Variants in MIB1 observed in about 807,000 individuals in gnomAD.
The protein encoded by MIB1 is E3 ubiquitin-protein ligase MIB1.
A neutral mutation model predicts 124.5 loss-of-function variants in MIB1; 278 were observed. That is an observed-to-expected ratio of 2.23 (90% confidence interval 2.02 to 2.47). MIB1 has a LOEUF of 2.47. MIB1 is among the 30% of genes most tolerant of loss of function. MIB1 has a pLI of 0.00. For synonymous variants in MIB1, 446 were observed against 429.4 expected, an observed-to-expected ratio of 1.04 and a Z score of -0.48; for missense variants, 957 against 1,254.4, an observed-to-expected ratio of 0.76 and a Z score of 3.58.
At chr18:21,791,077 G>A (rs560094854) in intron 6 of MIB1, among the ~76,000 whole-genome samples, 40 of 151,474 alleles carry the variant, frequency 2.6e-4, no homozygotes, top group African/African-American at 6.5e-4. Context: ...AGTGGCATGC[G>A]CCTGTAATCC....
chr18:21,800,713 G>A (rs184020807), intron 9 of MIB1, among the ~76,000 whole-genome samples: 1 of 152,168 alleles, frequency 6.6e-6, no homozygotes, highest in African/African-American at 2.4e-5. Flanking sequence ...TTGTTTTTAA[G>A]TATGCTAGAC....
intron 4 of MIB1, 64 bp from the exon 5 acceptor site, chr18:21,778,039 G>A: frequency 9.0e-7 from 1 of 1,110,628 alleles, no homozygotes; most frequent in Non-Finnish European, 1.4e-6. Flanking sequence ...ATTCTTGCCT[G>A]TTTCAGATAC....
intron 12 of MIB1, among the ~76,000 whole-genome samples, chr18:21,820,978 A>G (rs1347133390): frequency 6.6e-6 from 1 of 152,144 alleles, no homozygotes; most frequent in Non-Finnish European, 1.5e-5. Context: ...GAATGTGTCA[A>G]TACCTCATTC....
In MIB1 at chr18:21,856,784, T is replaced by C. The variant is rs536192493; in HGVS notation, c.2666-346T>C. Among the ~76,000 whole-genome samples, 11 of 152,370 alleles carry C rather than the reference T, an allele frequency of 7.2e-5. No homozygotes were observed. The South Asian group carries it at 2.1e-3, about 29-fold the overall frequency. ...GTAAGCAAGCTTATAATTCTAGTATTAGTTGACATTTGTCAATAGTATCTC... is the reference window on the plus strand; with the variant it reads ...GTAAGCAAGCTTATAATTCTAGTATCAGTTGACATTTGTCAATAGTATCTC... On this transcript the variant is annotated intron_variant, in intron 18 of 20. Transcript: ENST00000261537.
At position 21,847,064 on chromosome 18, in the gene MIB1, G is replaced by A. The variant is rs2042141392; in HGVS notation, c.2332G>A (p.Asp778Asn). 1 of 1,614,152 alleles carries A rather than the reference G, an allele frequency of 6.2e-7. No homozygotes were observed. The highest frequency in any genetic ancestry group is 8.5e-7 in the Non-Finnish European group (1 of 1,180,028). Residue 778 changes from aspartate (D) to asparagine (N), a missense_variant, in exon 16 of 21, where the codon GAT becomes AAT. Coordinates refer to ENST00000261537, the MANE Select transcript of MIB1 (RefSeq NM_020774.4). ...AAATAAGAAGGGTCAATCGCCACTTGATCTCTGTCCTGATCCGAATCTCTG... is the reference window on the plus strand; with the variant it reads ...AAATAAGAAGGGTCAATCGCCACTTAATCTCTGTCCTGATCCGAATCTCTG... ...IRNKKGQSPL[D>N]LCPDPNLCKA... is the part of the protein sequence containing the mutation.
intron 1 of MIB1, among the ~76,000 whole-genome samples, chr18:21,730,062 C>T (rs948708515): frequency 2.6e-5 from 4 of 152,198 alleles, no homozygotes; most frequent in Admixed American, 2.0e-4. Context: ...TCTATGCCAG[C>T]GTGGTTGCAC....
intron 20 of MIB1, among the ~76,000 whole-genome samples, chr18:21,859,584 C>A (rs1047694233): frequency 4.6e-5 from 7 of 151,704 alleles, no homozygotes; most frequent in African/African-American, 1.7e-4. Context: ...TTTCTATATA[C>A]ATGTGATACT....
At position 21,865,306 on chromosome 18, in the gene MIB1, A is replaced by T. The variant is rs2042312121; in HGVS notation, c.*640A>T. 6.6e-6 allele frequency: 1 copy of T among 152,198 alleles called. No homozygotes were observed. Among genetic ancestry groups the T allele is most frequent in the Admixed American group, 6.5e-5 (1 of 15,274 alleles). The allele number at this position is 152,198 out of a possible 1,614,324, so 9.4% of individuals were successfully genotyped here. On this transcript the variant is annotated 3_prime_UTR_variant, in exon 21 of 21. Transcript: ENST00000261537. Reference sequence around the variant, plus strand: ...CTTGTTTTCTAGATTCAAAAGGAACATTGTTTAACTTGAATCAGATTACCA... The same window carrying T: ...CTTGTTTTCTAGATTCAAAAGGAACTTTGTTTAACTTGAATCAGATTACCA...
At chr18:21,806,205 ATT>A (rs1228812095) in intron 10 of MIB1, among the ~76,000 whole-genome samples, 48 of 138,028 alleles carry the variant, frequency 3.5e-4, no homozygotes, top group Admixed American at 6.5e-4. Context: ...GCCTGGCCAG[ATT>A]TTTTTTTTTT....
intron 10 of MIB1, chr18:21,812,419 T>G (rs996220730): frequency 1.3e-5 from 2 of 152,216 alleles, no homozygotes; most frequent in Non-Finnish European, 2.9e-5. Context: ...GTGTGAAGAA[T>G]AGATTGGGAT....
chr18:21,808,294 C>T (rs944117449), intron 10 of MIB1, among the ~76,000 whole-genome samples: 14 of 152,116 alleles, frequency 9.2e-5, no homozygotes, highest in South Asian at 6.2e-4. Context: ...AACTACAGCT[C>T]GCAGGCCAAA....
At chr18:21,784,310 G>T (rs2041408207) in intron 6 of MIB1, among the ~76,000 whole-genome samples, 1 of 150,238 alleles carries the variant, frequency 6.7e-6, no homozygotes, top group South Asian at 2.1e-4. Context: ...GCCTCCCAAA[G>T]TGCTGGGATT....
chr18:21,815,401 C>A (rs1470628592), intron 10 of MIB1, among the ~76,000 whole-genome samples: 1 of 151,882 alleles, frequency 6.6e-6, no homozygotes, highest in Non-Finnish European at 1.5e-5. Flanking sequence ...CTCACATTTA[C>A]AGTTTACTTG....
At chr18:21,809,786 A>T (rs972386337) in intron 10 of MIB1, among the ~76,000 whole-genome samples, 1 of 152,134 alleles carries the variant, frequency 6.6e-6, no homozygotes, top group African/African-American at 2.4e-5. Flanking sequence ...AAAAACCCAC[A>T]GTGAACATGA....
At chr18:21,784,892 G>A (rs568980631) in intron 6 of MIB1, among the ~76,000 whole-genome samples, 28 of 152,222 alleles carry the variant, frequency 1.8e-4, no homozygotes, top group Admixed American at 3.9e-4. Flanking sequence ...AGCCAGGCCC[G>A]CCCGCAGCCA....
intron 10 of MIB1, among the ~76,000 whole-genome samples, chr18:21,812,674 A>G (rs1161735396): frequency 1.3e-5 from 2 of 152,218 alleles, no homozygotes; most frequent in East Asian, 1.9e-4. Flanking sequence ...GCAATACTAA[A>G]TAAGAGCAGG....
At chr18:21,750,421 G>A (rs575579284) in intron 1 of MIB1, among the ~76,000 whole-genome samples, 4 of 152,266 alleles carry the variant, frequency 2.6e-5, no homozygotes, top group East Asian at 1.9e-4. Flanking sequence ...TCCGCCTCTC[G>A]GGTTCATGCC....
Position 21,781,039 on chromosome 18 carries a change from C to T in MIB1, c.908+1354C>T, listed in dbSNP as rs572277156. On this transcript the variant is annotated intron_variant, in intron 6 of 20. Transcript: ENST00000261537. ...CTTTTCGTGTGTTCTTGTCAGCATC[C>T]GAAAAGCCATTTTCTTTTTTTCTCT... 4.6e-5 allele frequency among the ~76,000 whole-genome samples: 7 copies of T among 151,980 alleles called. No homozygotes were observed. The South Asian group carries it at 1.0e-3, about 23-fold the overall frequency.
rs539244143 is a variant in MIB1 at position 21,820,094 on chromosome 18, C to T, written c.1829+448C>T. Among the ~76,000 whole-genome samples the T allele has an allele frequency of 2.6e-5, 4 of 152,288 alleles. No homozygotes were observed. In the South Asian group the frequency reaches 8.3e-4, roughly 32 times the overall value. ...TAAACTTCTAGTATAGCTATCCCCT[C>T]ATCCATTGTTACAGCAATAGTATTC... On this transcript the variant is annotated intron_variant, in intron 12 of 20. Coordinates refer to ENST00000261537, the MANE Select transcript of MIB1 (RefSeq NM_020774.4).
Sources: allele counts gnomAD v4.1 joint callset (sites outside exome capture counted in the v4.1 genomes callset), GRCh38; gene constraint gnomAD v4.1.1; transcripts MANE v1.5; gene names NCBI Gene and HGNC (gene_info 2026-07-23, HGNC 2026-07-21).